SOS1: variants seen among roughly 807,000 people sequenced by gnomAD.
SOS1 encodes SOS Ras/Rac guanine nucleotide exchange factor 1.
In SOS1, 25 loss-of-function variants were observed where a neutral mutation model predicts 157.6. The observed-to-expected ratio is 0.16, with a 90% CI of 0.12 to 0.22. The LOEUF is 0.22. SOS1 is among the 10% of genes least tolerant of loss of function. SOS1 has a pLI of 1.00. For synonymous variants in SOS1, 528 were observed against 534.0 expected (o/e 0.99, Z 0.16); for missense variants, 1,237 against 1,599.1 (o/e 0.77, Z 3.86).
rs1309137951 is a variant in SOS1 at position 39,068,095 on chromosome 2, GGCAACAGA to G, written c.88-350_88-343del. Among the ~76,000 whole-genome samples, 4 of 152,244 alleles carry G rather than the reference GGCAACAGA, an allele frequency of 2.6e-5. No homozygotes were observed. In the East Asian group the frequency reaches 7.7e-4, roughly 29 times the overall value. ...GATCTTGCCACTGCACTCCAGCCTG[GGCAACAGA>G]GCAAGACTCTGTCTCAAAAATAAGA... On this transcript the variant is annotated intron_variant, in intron 1 of 22. Transcript: ENST00000402219.
At chr2:39,020,471 G>T (rs1669764052) in intron 10 of SOS1, among the ~76,000 whole-genome samples, 1 of 151,632 alleles carries the variant, frequency 6.6e-6, no homozygotes, top group Non-Finnish European at 1.5e-5. Flanking sequence ...TAAGTTAAAT[G>T]TTAGCTTTGT....
intron 1 of SOS1, among the ~76,000 whole-genome samples, chr2:39,083,877 A>C (rs979410331): frequency 1.3e-5 from 2 of 152,222 alleles, no homozygotes; most frequent in Non-Finnish European, 2.9e-5. Flanking sequence ...TCCCTCCAAA[A>C]TTCATATGAA....
intron 21 of SOS1, among the ~76,000 whole-genome samples, chr2:38,988,128 T>G (rs539231237): frequency 7.2e-5 from 11 of 152,294 alleles, no homozygotes; most frequent in African/African-American, 2.4e-4. Flanking sequence ...GGGCCTCTCC[T>G]CATTTTGTTT....
In SOS1 at chr2:38,985,665, A is replaced by G. The variant is rs766844775; in HGVS notation, c.*159T>C. On this transcript the variant is annotated 3_prime_UTR_variant, in exon 23 of 23. Coordinates refer to ENST00000402219, the MANE Select transcript of SOS1 (RefSeq NM_005633.4). ...GGAATACCATTTCCATTGTATAATT[A>G]CATCTAGGTTAAAATTCATTGTCTT... 13 of 838,868 alleles carry G rather than the reference A, an allele frequency of 1.5e-5. No homozygotes were observed. The highest frequency in any genetic ancestry group is 2.6e-5 in the Non-Finnish European group (13 of 506,840). 52.0% of individuals were successfully genotyped at this position (838,868 alleles called of 1,614,324 possible).
Position 38,989,288 on chromosome 2 carries a change from T to A in SOS1, c.3373A>T (p.Thr1125Ser). Reference sequence around the variant, plus strand: ...TACTAACTTGGGCCATGGGGCAGAGTAACTTGGATAAAGACGGTATCATTG... The same window carrying A: ...TACTAACTTGGGCCATGGGGCAGAGAAACTTGGATAAAGACGGTATCATTG... ...SSNDTVFIQV[T>S]LPHGPRSASV... is the part of the protein sequence containing the mutation. Residue 1125 changes from threonine to serine, a missense_variant, in exon 21 of 23, where the codon ACT becomes TCT. Physicochemically the swap from Thr to Ser is moderately conservative, Grantham distance 58. Coordinates refer to ENST00000402219, the MANE Select transcript of SOS1 (RefSeq NM_005633.4). 6.2e-7 allele frequency: 1 copy of A among 1,606,926 alleles called. No individual in the cohort carries two copies. Among genetic ancestry groups the A allele is most frequent in the Non-Finnish European group, 8.5e-7 (1 of 1,173,840 alleles).
chr2:38,986,390 G>T (rs944571387), intron 22 of SOS1, 75 bp from the exon 23 acceptor site: 11 of 1,375,516 alleles, frequency 8.0e-6, no homozygotes, highest in South Asian at 1.3e-5. Context: ...AATTAAGTTG[G>T]GGTTTTCAAA....
At chr2:39,033,284 T>TA (rs1424303162) in intron 8 of SOS1, among the ~76,000 whole-genome samples, 1 of 148,496 alleles carries the variant, frequency 6.7e-6, no homozygotes, top group African/African-American at 2.5e-5. Context: ...TCCTGCCCAA[T>TA]ATACTGCTAA....
At chr2:39,118,856 A>G (rs1036010585) in intron 1 of SOS1, among the ~76,000 whole-genome samples, 1 of 152,250 alleles carries the variant, frequency 6.6e-6, no homozygotes, top group East Asian at 1.9e-4. Flanking sequence ...CCAGTGTGGC[A>G]GAATTAAACA....
At chr2:39,014,100 A>T (rs1669552634) in intron 11 of SOS1, 111 bp from the exon 12 acceptor site, 4 of 733,602 alleles carry the variant, frequency 5.5e-6, no homozygotes, top group Non-Finnish European at 9.3e-6. Context: ...ACTGTAAAAA[A>T]TTACTGAAGA....
intron 1 of SOS1, among the ~76,000 whole-genome samples, chr2:39,114,285 T>C (rs984568733): frequency 3.3e-5 from 5 of 151,400 alleles, no homozygotes; most frequent in African/African-American, 1.2e-4. Context: ...TTTGTTTTTC[T>C]TTTTGTTCTT....
At chr2:39,105,512 A>G (rs192409402) in intron 1 of SOS1, among the ~76,000 whole-genome samples, 6 of 152,256 alleles carry the variant, frequency 3.9e-5, no homozygotes, top group Non-Finnish European at 7.4e-5. Flanking sequence ...AACACCACAT[A>G]TAAGTTTCAT....
intron 1 of SOS1, among the ~76,000 whole-genome samples, chr2:39,090,356 G>T (rs1672547108): frequency 6.6e-6 from 1 of 152,088 alleles, no homozygotes; most frequent in Non-Finnish European, 1.5e-5. Context: ...GGTTGACATA[G>T]TAACATAGTA....
intron 6 of SOS1, 32 bp downstream of exon 6, chr2:39,051,112 A>G: frequency 6.2e-7 from 1 of 1,608,108 alleles, no homozygotes; most frequent in Non-Finnish European, 8.5e-7. Context: ...GCTTTTATGC[A>G]GACTTTTCGG....
intron 1 of SOS1, among the ~76,000 whole-genome samples, chr2:39,067,962 T>C (rs1671646398): frequency 6.6e-6 from 1 of 152,022 alleles, no homozygotes; most frequent in South Asian, 2.1e-4. Flanking sequence ...CCATTAAAAA[T>C]ACAAAAATTA....
At chr2:39,074,275 G>T (rs867477069) in intron 1 of SOS1, among the ~76,000 whole-genome samples, 1 of 151,766 alleles carries the variant, frequency 6.6e-6, no homozygotes, top group Non-Finnish European at 1.5e-5. Flanking sequence ...GCTTGAACCC[G>T]GGAGGCAGAG....
At position 38,981,558 on chromosome 2, in the gene SOS1, A is replaced by G. The variant is rs1192757317; in HGVS notation, c.*4266T>C. The G allele has an allele frequency of 1.3e-5, 2 of 152,168 alleles. No homozygotes were observed. The highest frequency in any genetic ancestry group is 2.9e-5 in the Non-Finnish European group (2 of 68,014). 9.4% of individuals were successfully genotyped at this position (152,168 alleles called of 1,614,324 possible). On this transcript the variant is annotated 3_prime_UTR_variant, in exon 23 of 23. Coordinates refer to ENST00000402219, the MANE Select transcript of SOS1 (RefSeq NM_005633.4). ...TGCAAAAATAATACACTTGTGGGCT[A>G]TGTAAGGCATTTTTCTTTATTATTT...
intron 10 of SOS1, among the ~76,000 whole-genome samples, chr2:39,018,737 C>T (rs1481198886): frequency 1.3e-5 from 2 of 151,676 alleles, no homozygotes; most frequent in Non-Finnish European, 3.0e-5. Flanking sequence ...CACCCCACCC[C>T]CAACCACCAC....
At chr2:38,996,053 C>T (rs958033658) in intron 19 of SOS1, among the ~76,000 whole-genome samples, 2 of 151,948 alleles carry the variant, frequency 1.3e-5, no homozygotes, top group South Asian at 4.2e-4. Flanking sequence ...TTATCTTGGT[C>T]ACTTAGAAGC....
Position 39,022,905 on chromosome 2 carries a change from T to C in SOS1, c.1523A>G (p.Asn508Ser), listed in dbSNP as rs751404198. ...KVQINDKDDT[N>S]EYKHAFEIIL... Reference sequence around the variant, plus strand: ...TATTTCAAAAGCATGCTTGTATTCATTGGTGTCATCTTTATCATTAATTTG... The same window carrying C: ...TATTTCAAAAGCATGCTTGTATTCACTGGTGTCATCTTTATCATTAATTTG... Residue 508 changes from asparagine to serine, a missense_variant, in exon 10 of 23, where the codon AAT becomes AGT. Physicochemically the swap from Asn to Ser is conservative, Grantham distance 46. Coordinates refer to ENST00000402219, the MANE Select transcript of SOS1 (RefSeq NM_005633.4). 11 of 1,611,832 alleles carry C rather than the reference T, an allele frequency of 6.8e-6. No individual in the cohort carries two copies. Among genetic ancestry groups the C allele is most frequent in the East Asian group, 6.7e-5 (3 of 44,860 alleles).
Sources: allele counts gnomAD v4.1 joint callset (sites outside exome capture counted in the v4.1 genomes callset), GRCh38; gene constraint gnomAD v4.1.1; transcripts MANE v1.5; gene names NCBI Gene and HGNC (gene_info 2026-07-23, HGNC 2026-07-21).